The following LHFPL5 variants were observed in gnomAD, a reference collection of about 807,000 sequenced individuals.
LHFPL5 encodes LHFPL tetraspan subfamily member 5.
LHFPL5 carries 12 observed loss-of-function variants against 18.7 expected under a neutral mutation model. The ratio of observed to expected loss-of-function variants is 0.64; its 90% CI spans 0.41 to 1.04. LHFPL5 has a LOEUF of 1.04. Among genes scored for constraint, LHFPL5 ranks in the 50% least tolerant of loss-of-function variants. The probability of loss-of-function intolerance (pLI) is 0.00; values close to 1 mark genes in which losing one functional copy is unlikely to be tolerated. For missense variants in LHFPL5, 259 were observed against 292.1 expected, an observed-to-expected ratio of 0.89 and a Z score of 0.83; for synonymous variants, 111 against 120.2, an observed-to-expected ratio of 0.92 and a Z score of 0.50.
intron 1 of LHFPL5, among the ~76,000 whole-genome samples, chr6:35,813,953 C>T (rs1282513428): frequency 6.6e-6 from 1 of 152,080 alleles, no homozygotes; most frequent in East Asian, 1.9e-4. Flanking sequence ...TGTACCACCA[C>T]TCCCTGCTAA....
chr6:35,812,726 T>C (rs756872811), intron 1 of LHFPL5, among the ~76,000 whole-genome samples: 1 of 152,212 alleles, frequency 6.6e-6, no homozygotes. Flanking sequence ...GTTATTATTA[T>C]GTCCATTTTG....
chr6:35,811,170 CACTT>C (rs963531943), intron 1 of LHFPL5: 3 of 152,180 alleles, frequency 2.0e-5, no homozygotes, highest in Non-Finnish European at 4.4e-5. Flanking sequence ...CAGATGGCCT[CACTT>C]AACCTCAAGA....
rs1200314877 is a variant in LHFPL5 at position 35,823,370 on chromosome 6, T to TACACACACACACACACACACAC, written c.*416_*417insCACACACACACACACACACACA. Reference sequence around the variant, plus strand: ...CCTCCCAGGTCTGTGTCTGATAGCATACACACACACATATATATACACACA... The same window carrying TACACACACACACACACACACAC: ...CCTCCCAGGTCTGTGTCTGATAGCATACACACACACACACACACACACACACACACACATATATATACACACA... On this transcript the variant is annotated 3_prime_UTR_variant, in exon 4 of 4. Transcript: ENST00000360215. 1.1e-4 allele frequency: 14 copies of TACACACACACACACACACACAC among 127,892 alleles called. 1 individual carries two copies. The highest frequency in any genetic ancestry group is 2.2e-4 in the Non-Finnish European group (13 of 60,374). The allele number at this position is 127,892 out of a possible 1,614,324, so 7.9% of individuals were successfully genotyped here.
intron 2 of LHFPL5, among the ~76,000 whole-genome samples, chr6:35,818,456 T>C (rs2151071755): frequency 6.8e-6 from 1 of 147,918 alleles, no homozygotes; most frequent in Admixed American, 6.9e-5. Flanking sequence ...CCTCCTGGGC[T>C]CAAGTGATCC....
chr6:35,814,258 G>A lies in LHFPL5; in HGVS notation c.413-288G>A, dbSNP rs1320407733. ...TCCAAGGTGAGGAGAATGGCTGAAG[G>A]CCTGGGAGGACCACCTGGTGTGGTG... On this transcript the variant is annotated intron_variant, in intron 1 of 3. Coordinates refer to ENST00000360215, the MANE Select transcript of LHFPL5 (RefSeq NM_182548.4). This position sits in a 1 kb window ranked among gnomAD's most constrained non-coding sequence, Gnocchi z 4.2. Among the ~76,000 whole-genome samples the A allele has an allele frequency of 6.6e-6, 1 of 152,184 alleles. No individual in the cohort carries two copies. The highest frequency in any genetic ancestry group is 1.9e-4 in the East Asian group (1 of 5,192).
At chr6:35,815,026 T>C (rs1768734347) in intron 2 of LHFPL5, among the ~76,000 whole-genome samples, 1 of 152,176 alleles carries the variant, frequency 6.6e-6, no homozygotes, top group Non-Finnish European at 1.5e-5. Context: ...TCAGAGGCTA[T>C]AGGGGAGAGA....
intron 1 of LHFPL5, among the ~76,000 whole-genome samples, chr6:35,813,803 T>TC (rs1242457982): frequency 6.7e-6 from 1 of 148,862 alleles, no homozygotes; most frequent in East Asian, 2.0e-4. Context: ...TTTTTTTTTT[T>TC]TTTTTTTTTT....
Position 35,814,402 on chromosome 6 carries a change from A to G in LHFPL5, c.413-144A>G, listed in dbSNP as rs1485171020. On this transcript the variant is annotated intron_variant, in intron 1 of 3. Transcript: ENST00000360215. The surrounding 1 kb of genome is among the most constrained non-coding windows in gnomAD (Gnocchi z 4.2). The stretch of plus-strand genomic sequence containing the variant: ...TTCTCACCTGTGTTCTGCAAGAAGG[A>G]TGGTAGAGGCTGCCTCTCATGCCTC... 1.3e-6 allele frequency: 1 copy of G among 777,744 alleles called. No homozygotes were observed. Among genetic ancestry groups the G allele is most frequent in the Non-Finnish European group, 2.3e-6 (1 of 431,176 alleles). 48.2% of individuals were successfully genotyped at this position (777,744 alleles called of 1,614,324 possible).
intron 1 of LHFPL5, among the ~76,000 whole-genome samples, chr6:35,806,901 G>A (rs1367820000): frequency 1.3e-5 from 2 of 152,128 alleles, no homozygotes; most frequent in East Asian, 3.9e-4. Context: ...TCAGCTGACT[G>A]CAGCCTCAAC....
intron 2 of LHFPL5, among the ~76,000 whole-genome samples, chr6:35,818,483 C>T (rs200878275): frequency 2.2e-4 from 33 of 150,186 alleles, no homozygotes; most frequent in African/African-American, 7.4e-4. Flanking sequence ...ATTAGCCTCC[C>T]AAATAGCTAG....
Position 35,823,489 on chromosome 6 carries a change from TCTCA to T in LHFPL5, c.*525_*528del, listed in dbSNP as rs1383667928. ...CACACACACACACACTCTCTCTCTC[TCTCA>T]AACACACACAAATGCCCAACCAGCT... On this transcript the variant is annotated 3_prime_UTR_variant, in exon 4 of 4. Transcript: ENST00000360215. 4.0e-5 allele frequency: 6 copies of T among 150,394 alleles called. No individual in the cohort carries two copies. The highest frequency in any genetic ancestry group is 1.5e-4 in the African/African-American group (6 of 40,414). The allele number at this position is 150,394 out of a possible 1,614,324, so 9.3% of individuals were successfully genotyped here. A position where few individuals can be genotyped will look rare whatever the true frequency, so the allele number is the denominator to read the frequency against.
In LHFPL5 at chr6:35,809,360, G is replaced by T. The variant is rs189051210; in HGVS notation, c.412+3278G>T. The stretch of plus-strand genomic sequence containing the variant: ...TGGAGCCTGGAGGTCTGAGATCTGG[G>T]TGCCGGCATGGCATTAGCACGAGAT... On this transcript the variant is annotated intron_variant, in intron 1 of 3. Transcript: ENST00000360215. Among the ~76,000 whole-genome samples the T allele has an allele frequency of 4.5e-4, 69 of 152,170 alleles. No homozygotes were observed. In the East Asian group the frequency reaches 0.011, roughly 23 times the overall value.
At chr6:35,812,762 A>C (rs1215345812) in intron 1 of LHFPL5, among the ~76,000 whole-genome samples, 2 of 152,190 alleles carry the variant, frequency 1.3e-5, no homozygotes, top group Non-Finnish European at 2.9e-5. Flanking sequence ...AGGCAAACAA[A>C]GCTTAAGTAT....
At chr6:35,818,339 ATATATATATGTATTTTTTTTTTT>A (rs1239032364) in intron 2 of LHFPL5, among the ~76,000 whole-genome samples, 3 of 27,864 alleles carry the variant, frequency 1.1e-4, no homozygotes, top group African/African-American at 6.8e-4. Context: ...ATATATATAT[ATATATATATGTATTTTTTTTTTT>A]TTTTTTTTTT....
At chr6:35,809,290 T>C (rs1301473368) in intron 1 of LHFPL5, among the ~76,000 whole-genome samples, 1 of 152,080 alleles carries the variant, frequency 6.6e-6, no homozygotes, top group South Asian at 2.1e-4. Context: ...CAAATTACCA[T>C]AGATTAGGGG....
intron 2 of LHFPL5, among the ~76,000 whole-genome samples, chr6:35,818,336 TATATATATATATGTA>T (rs1437768870): frequency 0.01 from 119 of 11,722 alleles, no homozygotes; most frequent in African/African-American, 0.012. Context: ...TATATATATA[TATATATATATATGTA>T]TTTTTTTTTT....
At position 35,821,449 on chromosome 6, in the gene LHFPL5, T is replaced by TTGTGTGTG. The variant is rs34049571; in HGVS notation, c.*17-1495_*17-1488dup. Among the ~76,000 whole-genome samples the TTGTGTGTG allele has an allele frequency of 2.9e-3, 354 of 120,378 alleles. 2 individuals are homozygous for TTGTGTGTG. The highest frequency in any genetic ancestry group is 5.1e-3 in the South Asian group (17 of 3,344). The allele number at this position is 120,378 out of a possible 152,430, so 79.0% of individuals were successfully genotyped here. ...ATAAAAAAGCATTAGAGCATAATCTTTGTGTGTGTGTGTGTGTGTGTGTGT... is the reference window on the plus strand; with the variant it reads ...ATAAAAAAGCATTAGAGCATAATCTTTGTGTGTGTGTGTGTGTGTGTGTGTGTGTGTGT... On this transcript the variant is annotated intron_variant, in intron 3 of 3. Coordinates refer to ENST00000360215, the MANE Select transcript of LHFPL5 (RefSeq NM_182548.4).
At position 35,816,332 on chromosome 6, in the gene LHFPL5, C is replaced by T. The variant is rs60703511; in HGVS notation, c.649+1550C>T. Among the ~76,000 whole-genome samples, 42 of 126,250 alleles carry T rather than the reference C, an allele frequency of 3.3e-4. No homozygotes were observed. The South Asian group carries it at 4.1e-3, about 12-fold the overall frequency. The allele number at this position is 126,250 out of a possible 152,430, so 82.8% of individuals were successfully genotyped here. A position where few individuals can be genotyped will look rare whatever the true frequency, so the allele number is the denominator to read the frequency against. On this transcript the variant is annotated intron_variant, in intron 2 of 3. Coordinates refer to ENST00000360215, the MANE Select transcript of LHFPL5 (RefSeq NM_182548.4). ...CTGCACTCCAGCCTGGACGACAGAG[C>T]GAGACTCCGTCTCAAAAAAAAAAAA... is the stretch of plus-strand genomic sequence containing the variant.
chr6:35,808,598 TATA>T (rs1768614290), intron 1 of LHFPL5, among the ~76,000 whole-genome samples: 2 of 124,330 alleles, frequency 1.6e-5, no homozygotes, highest in South Asian at 2.4e-4. Context: ...TATATATATA[TATA>T]TATATGAACA....
Sources: allele counts gnomAD v4.1 joint callset (sites outside exome capture counted in the v4.1 genomes callset), GRCh38; gene constraint gnomAD v4.1.1; non-coding constraint Gnocchi (gnomAD v3.1); transcripts MANE v1.5; gene names NCBI Gene and HGNC (gene_info 2026-07-23, HGNC 2026-07-21).